Variants in DIXDC1 observed in about 807,000 individuals in gnomAD.
DIXDC1 encodes the protein dixin.
Under a neutral mutation model 103.1 loss-of-function variants are expected in DIXDC1, and 64 were observed. That is an observed-to-expected ratio of 0.62 (90% CI 0.51 to 0.76). The LOEUF (loss-of-function observed/expected upper bound fraction) is 0.76, where lower values mean the gene tolerates loss of function less well. DIXDC1 is among the 30% of genes least tolerant of loss of function. The probability of loss-of-function intolerance (pLI) is 0.00; values close to 1 mark genes in which losing one functional copy is unlikely to be tolerated. For synonymous variants in DIXDC1, 266 were observed against 298.5 expected (o/e 0.89, Z 1.12); for missense variants, 759 against 834.2 (o/e 0.91, Z 1.11).
intron 1 of DIXDC1, among the ~76,000 whole-genome samples, chr11:111,939,239 A>G (rs1966334147): frequency 2.0e-5 from 3 of 152,170 alleles, no homozygotes; most frequent in African/African-American, 7.2e-5. Context: ...TTTCACTTCG[A>G]AACCTTTCGA....
At chr11:111,942,327 A>G (rs1555168949) in intron 1 of DIXDC1, among the ~76,000 whole-genome samples, 1 of 152,182 alleles carries the variant, frequency 6.6e-6, no homozygotes, top group African/African-American at 2.4e-5. Flanking sequence ...GGTTCAGAGG[A>G]TCTAGGGAAC....
chr11:111,952,859 G>A lies in DIXDC1; in HGVS notation c.61-11690G>A, dbSNP rs180826061. ...AAATCCAAAAATTAGCTGTGGTGGC[G>A]TGTGACTATGGCCTTAGCTACTCTG... On this transcript the variant is annotated intron_variant, in intron 1 of 19. Coordinates refer to ENST00000440460, the MANE Select transcript of DIXDC1 (RefSeq NM_001037954.4). Among the ~76,000 whole-genome samples, 32 of 151,784 alleles carry A rather than the reference G, an allele frequency of 2.1e-4. No homozygotes were observed. In the South Asian group the frequency reaches 3.3e-3, roughly 16 times the overall value.
At chr11:111,964,981 C>T (rs1319781989) in intron 2 of DIXDC1, among the ~76,000 whole-genome samples, 8 of 152,056 alleles carry the variant, frequency 5.3e-5, no homozygotes, top group Admixed American at 5.2e-4. Flanking sequence ...ACTTAGTACT[C>T]CAGTGGGGTA....
chr11:112,002,267 A>T (rs1172582967), intron 17 of DIXDC1, among the ~76,000 whole-genome samples: 4 of 152,156 alleles, frequency 2.6e-5, no homozygotes, highest in Non-Finnish European at 5.9e-5. Context: ...TGTGAAAAAA[A>T]AAAAAAGGAT....
intron 5 of DIXDC1, 164 bp downstream of exon 5, chr11:111,975,147 T>C (rs1860056800): frequency 7.0e-7 from 1 of 1,428,064 alleles, no homozygotes; most frequent in Non-Finnish European, 9.2e-7. Context: ...TTTGTGCTAG[T>C]AGGAGGGTAG....
At chr11:111,964,224 C>T (rs1859657249) in intron 1 of DIXDC1, among the ~76,000 whole-genome samples, 1 of 152,158 alleles carries the variant, frequency 6.6e-6, no homozygotes, top group Non-Finnish European at 1.5e-5. Context: ...TGGGCCAAGC[C>T]CTCATCCCTG....
Position 112,017,035 on chromosome 11 carries a change from C to A in DIXDC1, c.1862+239C>A, listed in dbSNP as rs1861611885. On this transcript the variant is annotated intron_variant, in intron 18 of 19. Coordinates refer to ENST00000440460, the MANE Select transcript of DIXDC1 (RefSeq NM_001037954.4). This position sits in a 1 kb window ranked among gnomAD's most constrained non-coding sequence, Gnocchi z 4.0. ...CAGGTACAATAATAGTACTTCCAAT[C>A]CTGATAACTATGCAAATATGGCTCT... is the stretch of plus-strand genomic sequence containing the variant. 6.6e-6 allele frequency among the ~76,000 whole-genome samples: 1 copy of A among 151,910 alleles called. No individual in the cohort carries two copies. The highest frequency in any genetic ancestry group is 2.4e-5 in the African/African-American group (1 of 41,342).
intron 5 of DIXDC1, among the ~76,000 whole-genome samples, chr11:111,978,036 G>A (rs947925845): frequency 6.6e-6 from 1 of 152,116 alleles, no homozygotes; most frequent in Non-Finnish European, 1.5e-5. Flanking sequence ...CACTTCATGA[G>A]GATATAGAAC....
At chr11:111,979,574 C>T (rs1042731256) in intron 5 of DIXDC1, among the ~76,000 whole-genome samples, 1 of 152,226 alleles carries the variant, frequency 6.6e-6, no homozygotes. Context: ...CTCACATTCC[C>T]ATCTTGTCTT....
At chr11:112,010,943 T>C (rs1861398085) in intron 17 of DIXDC1, among the ~76,000 whole-genome samples, 1 of 152,060 alleles carries the variant, frequency 6.6e-6, no homozygotes, top group Non-Finnish European at 1.5e-5. Flanking sequence ...AAAGCCAAAA[T>C]AGACAAGTGG....
chr11:112,016,525 C>T (rs1357375486), intron 17 of DIXDC1, among the ~76,000 whole-genome samples, 166 bp from the exon 18 acceptor site: 1 of 152,124 alleles, frequency 6.6e-6, no homozygotes, highest in Non-Finnish European at 1.5e-5. Context: ...GTCTTGTCCT[C>T]GTGGTCCTAG....
At chr11:111,994,421 A>T (rs1376651420) in intron 14 of DIXDC1, among the ~76,000 whole-genome samples, 3 of 151,562 alleles carry the variant, frequency 2.0e-5, no homozygotes, top group Non-Finnish European at 4.4e-5. Flanking sequence ...ATATTCATAC[A>T]TACATATATA....
At chr11:112,012,694 C>T (rs1592632431) in intron 17 of DIXDC1, among the ~76,000 whole-genome samples, 2 of 152,046 alleles carry the variant, frequency 1.3e-5, no homozygotes, top group South Asian at 2.1e-4. Flanking sequence ...TTTTTTTGTA[C>T]GTGTTTTTTA....
intron 17 of DIXDC1, chr11:112,015,669 GCA>G (rs1365001782): frequency 1.3e-5 from 2 of 151,956 alleles, no homozygotes; most frequent in Non-Finnish European, 2.9e-5. Flanking sequence ...GGGCGTGGTG[GCA>G]CACACCTGTT....
upstream of DIXDC1, chr11:111,937,131 C>CGG (rs782420161): frequency 1.2e-3 from 536 of 462,246 alleles, 5 homozygotes; most frequent in Non-Finnish European, 1.3e-3. Flanking sequence ...GCGGCCCGGG[C>CGG]GGGGGGGGGG....
In DIXDC1 at chr11:111,977,408, C is replaced by T. The variant is rs72645442; in HGVS notation, c.656+2425C>T. 661 of 1,143,852 alleles carry T rather than the reference C, an allele frequency of 5.8e-4. 15 individuals carry two copies. In the East Asian group the frequency reaches 0.04, roughly 70 times the overall value. The allele number at this position is 1,143,852 out of a possible 1,614,324, so 70.9% of individuals were successfully genotyped here. On this transcript the variant is annotated intron_variant, in intron 5 of 19. Transcript: ENST00000440460. This position sits in a 1 kb window ranked among gnomAD's most constrained non-coding sequence, Gnocchi z 6.1. ...CCAGTGGGAGATGGGTTGAGATGCC[C>T]CCGCCAGGGGGGATGCCCGGCACCG...
At chr11:111,936,487 A>G (rs587673184), upstream of DIXDC1, among the ~76,000 whole-genome samples, 3 of 152,362 alleles carry the variant, frequency 2.0e-5, no homozygotes, top group South Asian at 6.2e-4. Context: ...ACATTAAAAT[A>G]TGGGTTGTAT....
chr11:111,979,526 C>A (rs1277047779), intron 5 of DIXDC1, among the ~76,000 whole-genome samples: 1 of 152,222 alleles, frequency 6.6e-6, no homozygotes, highest in Non-Finnish European at 1.5e-5. Context: ...AGAGAGATGG[C>A]TCGAGACTCC....
At chr11:111,943,246 C>T (rs1441260980) in intron 1 of DIXDC1, among the ~76,000 whole-genome samples, 9 of 152,282 alleles carry the variant, frequency 5.9e-5, no homozygotes, top group African/African-American at 1.2e-4. Context: ...TGGGCTCAAG[C>T]GATTCTCCTG....
Sources: gnomAD v4.1 joint callset for allele counts (sites outside exome capture counted in the v4.1 genomes callset) on GRCh38, gnomAD v4.1.1 for gene constraint, Gnocchi (gnomAD v3.1) non-coding constraint, MANE v1.5 for transcripts, NCBI Gene and HGNC (gene_info 2026-07-23, HGNC 2026-07-21) for gene names.